TNR: variants seen among roughly 807,000 people sequenced by gnomAD.
TNR encodes the protein tenascin R.
In TNR, 45 loss-of-function variants were observed where a neutral mutation model predicts 150.4. The ratio of observed to expected loss-of-function variants is 0.30; its 90% CI spans 0.24 to 0.38. TNR has a LOEUF of 0.38. Among genes scored for constraint, TNR ranks in the 10% least tolerant of loss-of-function variants. The probability of loss-of-function intolerance (pLI) is 1.00; values close to 1 mark genes in which losing one functional copy is unlikely to be tolerated. For missense variants in TNR, 1,544 were observed against 1,759.1 expected (o/e 0.88, Z 2.19); for synonymous variants, 687 against 678.4 (o/e 1.01, Z -0.20).
intron 22 of TNR, among the ~76,000 whole-genome samples, chr1:175,324,088 C>T (rs941870267): frequency 6.6e-6 from 1 of 152,050 alleles, no homozygotes; most frequent in Non-Finnish European, 1.5e-5. Flanking sequence ...TGAAGCTGTC[C>T]CCAGGACTGA....
chr1:175,480,963 G>A (rs1255691018), intron 2 of TNR, among the ~76,000 whole-genome samples: 1 of 152,132 alleles, frequency 6.6e-6, no homozygotes, highest in Non-Finnish European at 1.5e-5. Context: ...TTTTCTGACA[G>A]AATAAACTAA....
Position 175,321,740 on chromosome 1 carries a change from C to T in TNR, c.*1617G>A, listed in dbSNP as rs1243386656. On this transcript the variant is annotated 3_prime_UTR_variant, in exon 23 of 23. Coordinates refer to ENST00000367674, the MANE Select transcript of TNR (RefSeq NM_003285.3). Reference sequence around the variant, plus strand: ...AGGCCCACAGTTATCACCTATTCACCTTTGGATTTCTGGATGTAATTTCCT... The same window carrying T: ...AGGCCCACAGTTATCACCTATTCACTTTTGGATTTCTGGATGTAATTTCCT... 2 of 152,110 alleles carry T rather than the reference C, an allele frequency of 1.3e-5. No individual in the cohort carries two copies. Among genetic ancestry groups the T allele is most frequent in the Non-Finnish European group, 2.9e-5 (2 of 68,030 alleles). 9.4% of individuals were successfully genotyped at this position (152,110 alleles called of 1,614,324 possible).
chr1:175,331,104 TC>T (rs1649852186), intron 20 of TNR, among the ~76,000 whole-genome samples: 2 of 104,708 alleles, frequency 1.9e-5, no homozygotes, highest in African/African-American at 4.1e-5. Context: ...TTTCTTTCTC[TC>T]TCTCTTTCTT....
At position 175,460,617 on chromosome 1, in the gene TNR, C is replaced by A. The variant is rs542604816; in HGVS notation, c.-63-53840G>T. Among the ~76,000 whole-genome samples, 17 of 152,300 alleles carry A rather than the reference C, an allele frequency of 1.1e-4. No individual in the cohort carries two copies. In the South Asian group the frequency reaches 3.5e-3, roughly 32 times the overall value. ...CAAAGTATCCTCATAAATGTGACCT[C>A]ATTTAATTTTCACGATAATGAGGCA... On this transcript the variant is annotated intron_variant, in intron 2 of 22. Transcript: ENST00000367674.
chr1:175,544,856 G>A (rs918029535), intron 1 of TNR, among the ~76,000 whole-genome samples: 7 of 152,190 alleles, frequency 4.6e-5, no homozygotes, highest in Non-Finnish European at 8.8e-5. Context: ...TTGATATCAG[G>A]CTTGGGCCAT....
chr1:175,554,761 C>G (rs1277480608), intron 1 of TNR, among the ~76,000 whole-genome samples: 2 of 152,174 alleles, frequency 1.3e-5, no homozygotes, highest in Non-Finnish European at 2.9e-5. Context: ...TAGAATGCTT[C>G]TCTTTGTTTT....
At chr1:175,553,651 T>C (rs1462099916) in intron 1 of TNR, among the ~76,000 whole-genome samples, 1 of 152,168 alleles carries the variant, frequency 6.6e-6, no homozygotes, top group Non-Finnish European at 1.5e-5. Flanking sequence ...GCAGCATTTT[T>C]AATTCAGAAA....
At chr1:175,346,253 A>G (rs1338119470) in intron 18 of TNR, among the ~76,000 whole-genome samples, 1 of 152,208 alleles carries the variant, frequency 6.6e-6, no homozygotes, top group Non-Finnish European at 1.5e-5. Context: ...CTTTATTTAT[A>G]TTGTCTTAAA....
At chr1:175,508,750 G>C (rs1172567085) in intron 2 of TNR, among the ~76,000 whole-genome samples, 1 of 152,210 alleles carries the variant, frequency 6.6e-6, no homozygotes, top group Non-Finnish European at 1.5e-5. Flanking sequence ...CCCTGAATGT[G>C]AACAAACCAA....
chr1:175,395,319 G>A (rs895238258), intron 5 of TNR, among the ~76,000 whole-genome samples: 1 of 151,994 alleles, frequency 6.6e-6, no homozygotes, highest in East Asian at 1.9e-4. Context: ...CTGAACTTTC[G>A]TGGCATTTGT....
chr1:175,411,464 C>T (rs903541472), intron 2 of TNR, among the ~76,000 whole-genome samples: 3 of 152,012 alleles, frequency 2.0e-5, no homozygotes, highest in Non-Finnish European at 2.9e-5. Flanking sequence ...AACGACAGAA[C>T]TATATTCTCT....
At chr1:175,735,412 A>G (rs1432017749) in intron 1 of TNR, among the ~76,000 whole-genome samples, 11 of 152,216 alleles carry the variant, frequency 7.2e-5, no homozygotes, top group Admixed American at 3.3e-4. Context: ...AGGGGACATC[A>G]TGAGGTACTT....
chr1:175,736,103 C>T (rs574484753), intron 1 of TNR, among the ~76,000 whole-genome samples: 1 of 152,344 alleles, frequency 6.6e-6, no homozygotes, highest in South Asian at 2.1e-4. Context: ...CAAGCTGCAC[C>T]CAGTCCCCAG....
intron 1 of TNR, among the ~76,000 whole-genome samples, chr1:175,672,668 T>C (rs1665737770): frequency 2.0e-5 from 3 of 152,200 alleles, no homozygotes; most frequent in Admixed American, 1.3e-4. Context: ...ACAGCTCTTT[T>C]TGCTGACAGC....
At chr1:175,735,048 T>C (rs1471515169) in intron 1 of TNR, among the ~76,000 whole-genome samples, 1 of 152,252 alleles carries the variant, frequency 6.6e-6, no homozygotes, top group Non-Finnish European at 1.5e-5. Flanking sequence ...CAGCTTGCCT[T>C]ATAAGTTCCA....
intron 2 of TNR, among the ~76,000 whole-genome samples, chr1:175,410,710 A>G (rs552005091): frequency 6.6e-6 from 1 of 152,236 alleles, no homozygotes; most frequent in Admixed American, 6.5e-5. Context: ...TGCTGATGGG[A>G]GACACCCTAG....
intron 2 of TNR, among the ~76,000 whole-genome samples, chr1:175,503,530 C>T (rs185922514): frequency 2.0e-4 from 31 of 152,132 alleles, no homozygotes; most frequent in Admixed American, 1.8e-3. Context: ...TGACTGTCAC[C>T]GGGAAACTGT....
At chr1:175,497,571 T>A (rs1557970069) in intron 2 of TNR, among the ~76,000 whole-genome samples, 1 of 152,216 alleles carries the variant, frequency 6.6e-6, no homozygotes, top group Non-Finnish European at 1.5e-5. Flanking sequence ...TGGATCCTAA[T>A]GCCTAGGGCA....
intron 2 of TNR, among the ~76,000 whole-genome samples, chr1:175,434,369 T>C (rs1655404460): frequency 6.6e-6 from 1 of 152,112 alleles, no homozygotes; most frequent in Admixed American, 6.5e-5. Context: ...CCAACTGATA[T>C]TGCTCTGCTT....
Sources: gnomAD v4.1 joint callset for allele counts (sites outside exome capture counted in the v4.1 genomes callset) on GRCh38, gnomAD v4.1.1 for gene constraint, MANE v1.5 for transcripts, NCBI Gene and HGNC (gene_info 2026-07-23, HGNC 2026-07-21) for gene names.